ERAP2: variants seen among roughly 807,000 people sequenced by gnomAD.
ERAP2 encodes the protein endoplasmic reticulum aminopeptidase 2.
A neutral mutation model predicts 111.1 loss-of-function variants in ERAP2; 118 were observed. The observed-to-expected ratio is 1.06, with a 90% CI of 0.92 to 1.24. ERAP2 has a LOEUF of 1.24. ERAP2 is among the 50% of genes most tolerant of loss of function. ERAP2 has a pLI of 0.00. For synonymous variants in ERAP2, 410 were observed against 401.2 expected, an observed-to-expected ratio of 1.02 and a Z score of -0.26; for missense variants, 1,131 against 1,125.8, an observed-to-expected ratio of 1.00 and a Z score of -0.07.
Position 96,884,825 on chromosome 5 carries a change from T to C in ERAP2, c.714+895T>C, listed in dbSNP as rs188080340. Among the ~76,000 whole-genome samples the C allele has an allele frequency of 1.4e-4, 22 of 152,286 alleles. No homozygotes were observed. The East Asian group carries it at 3.9e-3, about 27-fold the overall frequency. On this transcript the variant is annotated intron_variant, in intron 3 of 18. Coordinates refer to ENST00000437043, the MANE Select transcript of ERAP2 (RefSeq NM_022350.5). ...GGTCCAAGTGCTAGTAGAGGCAGCA[T>C]ATCTTTTGGACACTTATTTGTCTCT...
rs185124160 is a variant in ERAP2, at chr5:96,903,647, G to A, written c.2012+87G>A. The stretch of plus-strand genomic sequence containing the variant: ...CTTCAATATTGAATGTTCAACATTG[G>A]TCATTGATTTAATATGGATTTGAAT... On this transcript the variant is annotated intron_variant, in intron 13 of 18. Coordinates refer to ENST00000437043, the MANE Select transcript of ERAP2 (RefSeq NM_022350.5). The A allele has an allele frequency of 6.4e-4, 781 of 1,224,060 alleles. 6 individuals are homozygous for A. In the Admixed American group the frequency reaches 9.2e-3, roughly 14 times the overall value. 75.8% of individuals were successfully genotyped at this position (1,224,060 alleles called of 1,614,324 possible).
intron 1 of ERAP2, among the ~76,000 whole-genome samples, chr5:96,878,075 C>G (rs936929673): frequency 3.3e-5 from 5 of 152,152 alleles, no homozygotes; most frequent in African/African-American, 1.2e-4. Flanking sequence ...AATTGATTCC[C>G]CCAAATTAAC....
rs1167217721 is a variant in ERAP2, at chr5:96,917,568, T to C, written c.2846T>C (p.Leu949Pro). Reference protein sequence around the residue: ...TKNIKWLEKNLPTLRTWLMVN... With the variant: ...TKNIKWLEKNPPTLRTWLMVN... Reference sequence around the variant, plus strand: ...AATATAAAATGGCTGGAGAAGAATCTTCCGACTCTGAGGACTTGGCTAATG... The same window carrying C: ...AATATAAAATGGCTGGAGAAGAATCCTCCGACTCTGAGGACTTGGCTAATG... The change falls in exon 19 of 19, where the codon CTT becomes CCT. Residue 949 changes from leucine (L) to proline (P), a missense_variant. By Grantham distance (98) the Leu-to-Pro change is moderately conservative. Transcript: ENST00000437043. The C allele has an allele frequency of 4.3e-6, 7 of 1,613,814 alleles. No homozygotes were observed. The highest frequency in any genetic ancestry group is 5.9e-6 in the Non-Finnish European group (7 of 1,179,906).
chr5:96,880,025 G>C lies in ERAP2; in HGVS notation c.340G>C (p.Asp114His), dbSNP rs149963216. The change falls in exon 2 of 19, where the codon GAT (aspartate) becomes CAT (histidine). Residue 114 changes from aspartate to histidine, a missense_variant. Asp to His is a moderately conservative substitution (Grantham distance 81). Coordinates refer to ENST00000437043, the MANE Select transcript of ERAP2 (RefSeq NM_022350.5). The part of the protein sequence containing the change: ...ATQFIILHSK[D>H]LEITNATLQS... ...CCAGTTTATCATCTTGCACAGCAAA[G>C]ATCTTGAAATCACGAATGCCACCCT... The C allele has an allele frequency of 6.2e-7, 1 of 1,614,154 alleles. No individual in the cohort carries two copies.
In ERAP2 at chr5:96,892,310, ATT is replaced by A. The variant is rs1784466623; in HGVS notation, c.983_984del (p.Ile328ThrfsTer2). On this transcript the variant is annotated frameshift_variant, in exon 6 of 19. Transcript: ENST00000437043. LOFTEE classifies it high-confidence loss of function. The part of the protein sequence containing the change: ...YPLSKLDLIA[I>X]PDFAPGAMEN... ...TTCTTATTTCTTAGATTTAATTGCTATTCCTGACTTTGCACCTGGAGCCATGG... is the reference window on the plus strand; with the variant it reads ...TTCTTATTTCTTAGATTTAATTGCTACCTGACTTTGCACCTGGAGCCATGG... 5 of 1,613,784 alleles carry A rather than the reference ATT, an allele frequency of 3.1e-6. No individual in the cohort carries two copies. The highest frequency in any genetic ancestry group is 4.2e-6 in the Non-Finnish European group (5 of 1,179,840).
In ERAP2 at chr5:96,881,260, G is replaced by A. The variant is rs986536796; in HGVS notation, c.575+1000G>A. On this transcript the variant is annotated intron_variant, in intron 2 of 18. Transcript: ENST00000437043. ...TTATAGAGAAGCAGAGTAATCAATTGGGAGGTCATTGCAGTAGTTCAGGTA... is the reference window on the plus strand; with the variant it reads ...TTATAGAGAAGCAGAGTAATCAATTAGGAGGTCATTGCAGTAGTTCAGGTA... The A allele has an allele frequency of 2.9e-4, 110 of 376,666 alleles. 2 individuals are homozygous for A. Among genetic ancestry groups the A allele is most frequent in the Admixed American group, 2.3e-3 (70 of 30,908 alleles). 23.3% of individuals were successfully genotyped at this position (376,666 alleles called of 1,614,324 possible). A position where few individuals can be genotyped will look rare whatever the true frequency, so the allele number is the denominator to read the frequency against.
chr5:96,894,432 G>A (rs1219087376), intron 6 of ERAP2, among the ~76,000 whole-genome samples: 1 of 152,008 alleles, frequency 6.6e-6, no homozygotes, highest in Non-Finnish European at 1.5e-5. Context: ...CTATAACCAG[G>A]CTCTTCTGAA....
intron 5 of ERAP2, among the ~76,000 whole-genome samples, chr5:96,889,671 G>A (rs1479568087): frequency 6.6e-6 from 1 of 152,124 alleles, no homozygotes; most frequent in African/African-American, 2.4e-5. Flanking sequence ...GTTCAAAATA[G>A]GGGTCCACAT....
At chr5:96,880,298 T>C (rs563004439) in intron 2 of ERAP2, 38 bp downstream of exon 2, 1 of 1,539,794 alleles carries the variant, frequency 6.5e-7, no homozygotes, top group East Asian at 2.3e-5. Flanking sequence ...TCTTTTGTGA[T>C]AATTTCCTTA....
chr5:96,886,936 C>G (rs1036507795), intron 4 of ERAP2, 147 bp downstream of exon 4: 52 of 689,710 alleles, frequency 7.5e-5, no homozygotes, highest in Non-Finnish European at 1.0e-4. Flanking sequence ...AAAAATTATC[C>G]ATAGTCCTGT....
chr5:96,899,946 T>C (rs1293484166), intron 9 of ERAP2, among the ~76,000 whole-genome samples, 175 bp from the exon 10 acceptor site: 1 of 152,242 alleles, frequency 6.6e-6, no homozygotes, highest in East Asian at 1.9e-4. Flanking sequence ...TTTTGTGGAC[T>C]TCTATCCCAG....
chr5:96,881,633 G>A (rs977679498), intron 2 of ERAP2, among the ~76,000 whole-genome samples: 5 of 152,132 alleles, frequency 3.3e-5, no homozygotes, highest in African/African-American at 1.2e-4. Context: ...GATTGCTATA[G>A]TGCTGTTCAG....
chr5:96,916,296 A>G (rs1787377685), intron 18 of ERAP2, among the ~76,000 whole-genome samples: 2 of 151,880 alleles, frequency 1.3e-5, no homozygotes, highest in African/African-American at 2.4e-5. Flanking sequence ...TACTTAAAAT[A>G]CGTGTATTCA....
chr5:96,897,537 G>A (rs1006459841), intron 9 of ERAP2, among the ~76,000 whole-genome samples: 2 of 109,370 alleles, frequency 1.8e-5, no homozygotes, highest in African/African-American at 3.5e-5. Context: ...CAAAAATTGT[G>A]TCTATTCTTT....
intron 6 of ERAP2, among the ~76,000 whole-genome samples, chr5:96,893,611 C>T (rs1366687479): frequency 1.3e-5 from 2 of 152,190 alleles, no homozygotes; most frequent in East Asian, 1.9e-4. Context: ...CTCTGAGGCT[C>T]CATGCTCCCT....
At chr5:96,907,399 G>C (rs1420328129) in intron 13 of ERAP2, among the ~76,000 whole-genome samples, 1 of 152,162 alleles carries the variant, frequency 6.6e-6, no homozygotes, top group Non-Finnish European at 1.5e-5. Flanking sequence ...AAATCAATTA[G>C]GCTGGGCTGG....
intron 15 of ERAP2, 45 bp downstream of exon 15, chr5:96,909,809 T>C (rs759229161): frequency 1.9e-6 from 3 of 1,584,742 alleles, no homozygotes; most frequent in Non-Finnish European, 2.6e-6. Flanking sequence ...TTCTCTTTGA[T>C]GTAAAAGTCT....
intron 13 of ERAP2, among the ~76,000 whole-genome samples, chr5:96,904,964 TG>T (rs1248473284): frequency 6.6e-6 from 1 of 152,118 alleles, no homozygotes; most frequent in African/African-American, 2.4e-5. Flanking sequence ...ACTAATTTTT[TG>T]AGCTTGGACA....
Position 96,893,072 on chromosome 5 carries a change from A to G in ERAP2, c.1125+619A>G, listed in dbSNP as rs568916763. Among the ~76,000 whole-genome samples the G allele has an allele frequency of 2.0e-5, 3 of 152,314 alleles. No individual in the cohort carries two copies. The East Asian group carries it at 5.8e-4, about 29-fold the overall frequency. On this transcript the variant is annotated intron_variant, in intron 6 of 18. Coordinates refer to ENST00000437043, the MANE Select transcript of ERAP2 (RefSeq NM_022350.5). ...ACTCAATAAGTATTAGTTATTAATG[A>G]TGATGACAACGGCCACTACAACTAC... is the stretch of plus-strand genomic sequence containing the variant.
Sources: allele counts gnomAD v4.1 joint callset (sites outside exome capture counted in the v4.1 genomes callset), GRCh38; gene constraint gnomAD v4.1.1; transcripts MANE v1.5; gene names NCBI Gene and HGNC (gene_info 2026-07-23, HGNC 2026-07-21).